The following P2RY8 variants were observed in gnomAD, a reference collection of about 807,000 sequenced individuals.
The protein encoded by P2RY8 is S-geranylgeranyl-glutathione receptor P2RY8.
A neutral mutation model predicts 10.0 loss-of-function variants in P2RY8; 6 were observed. That is an observed-to-expected ratio of 0.60 (90% CI 0.33 to 1.19). The LOEUF is 1.19. P2RY8 is among the 50% of genes most tolerant of loss of function. The probability of loss-of-function intolerance (pLI) is 0.04; values close to 1 mark genes in which losing one functional copy is unlikely to be tolerated. For missense variants in P2RY8, 456 were observed against 542.0 expected (o/e 0.84, Z 1.58); for synonymous variants, 276 against 252.5 (o/e 1.09, Z -0.88).
In P2RY8 at chrX:1,478,100, A is replaced by G. The variant is rs183298722; in HGVS notation, c.-24-11518T>C. On this transcript the variant is annotated intron_variant, in intron 1 of 1. Coordinates refer to ENST00000381297, the MANE Select transcript of P2RY8 (RefSeq NM_178129.5). ...GGCCCCTGAGCTGGGGTGGGGTCAG[A>G]CGTCAGAGCTGTGGCCAGAAGCAAT... Among the ~76,000 whole-genome samples the G allele has an allele frequency of 3.5e-3, 538 of 152,234 alleles. 2 individuals carry two copies. Among genetic ancestry groups the G allele is most frequent in the African/African-American group, 0.013 (523 of 41,540 alleles).
At chrX:1,471,308 CATTTTT>C (rs1419697300) in intron 1 of P2RY8, among the ~76,000 whole-genome samples, 1 of 71,110 alleles carries the variant, frequency 1.4e-5, no homozygotes, top group African/African-American at 5.2e-5. Context: ...GCGCCCAGCC[CATTTTT>C]TTTTTTTTTT....
intron 1 of P2RY8, among the ~76,000 whole-genome samples, chrX:1,507,209 C>G (rs1402861129): frequency 2.0e-5 from 3 of 152,002 alleles, no homozygotes; most frequent in Admixed American, 6.6e-5. Context: ...TGCCTCTGAG[C>G]GAAGCAAGGA....
rs781687066 is a variant in P2RY8, at chrX:1,466,586, C to T, written c.-24-4G>A. 1.0e-5 allele frequency: 16 copies of T among 1,587,356 alleles called. 1 individual carries two copies. The South Asian group carries it at 1.7e-4, about 17-fold the overall frequency. On this transcript the variant is annotated splice_region_variant and splice_polypyrimidine_tract_variant and intron_variant, in intron 1 of 1. Coordinates refer to ENST00000381297, the MANE Select transcript of P2RY8 (RefSeq NM_178129.5). ...TGGAGGGGTCCTCGCCCGGGCTCTGCAAGGGAAGGAGGGAAGGGTGTACGG... is the reference window on the plus strand; with the variant it reads ...TGGAGGGGTCCTCGCCCGGGCTCTGTAAGGGAAGGAGGGAAGGGTGTACGG...
chrX:1,526,554 A>T (rs2092441658), intron 1 of P2RY8, among the ~76,000 whole-genome samples: 1 of 151,420 alleles, frequency 6.6e-6, no homozygotes, highest in Admixed American at 6.6e-5. Flanking sequence ...CATCCATCCA[A>T]AACTCACTCA....
At chrX:1,524,582 CATCCATCCATCCATTCATCCATCT>C (rs2092420891) in intron 1 of P2RY8, among the ~76,000 whole-genome samples, 2 of 145,278 alleles carry the variant, frequency 1.4e-5, no homozygotes, top group Admixed American at 6.9e-5. Context: ...TCCATCCATC[CATCCATCCATCCATTCATCCATCT>C]ATCCATCCAT....
At chrX:1,499,225 C>T (rs1182944284) in intron 1 of P2RY8, among the ~76,000 whole-genome samples, 4 of 148,076 alleles carry the variant, frequency 2.7e-5, no homozygotes, top group Non-Finnish European at 5.9e-5. Context: ...TGCAATGGCA[C>T]GATCTCGGTT....
At chrX:1,504,757 C>T (rs1204310409) in intron 1 of P2RY8, among the ~76,000 whole-genome samples, 22 of 152,014 alleles carry the variant, frequency 1.4e-4, no homozygotes, top group African/African-American at 3.9e-4. Context: ...GAGGCTGATG[C>T]GGGCGGATCA....
intron 1 of P2RY8, among the ~76,000 whole-genome samples, chrX:1,475,359 G>A (rs4628448): frequency 0.74 from 112,822 of 151,708 alleles, 42,645 homozygotes; most frequent in African/African-American, 0.87. Flanking sequence ...ATGAAATGCC[G>A]ATTGTTTCCA....
Position 1,466,172 on chromosome X carries a change from GAGCGGGTAC to G in P2RY8, c.378_386del (p.Tyr127_Leu129del). On this transcript the variant is annotated inframe_deletion, in exon 2 of 2. Coordinates refer to ENST00000381297, the MANE Select transcript of P2RY8 (RefSeq NM_178129.5). ...GACGGCGGCGCCAGCGCTTGGAGCT[GAGCGGGTAC>G]AGGACCCCCAGGAAGCGCTCCACGC... 1 of 1,612,378 alleles carries G rather than the reference GAGCGGGTAC, an allele frequency of 6.2e-7. No homozygotes were observed. Among genetic ancestry groups the G allele is most frequent in the Non-Finnish European group, 8.5e-7 (1 of 1,179,356 alleles).
intron 1 of P2RY8, among the ~76,000 whole-genome samples, chrX:1,467,441 G>C (rs775951176): frequency 6.6e-6 from 1 of 152,276 alleles, no homozygotes; most frequent in East Asian, 1.9e-4. Flanking sequence ...TTATGCACGA[G>C]TCAGCACCGC....
intron 1 of P2RY8, among the ~76,000 whole-genome samples, chrX:1,499,664 T>G (rs2092155150): frequency 6.6e-6 from 1 of 151,728 alleles, no homozygotes; most frequent in Non-Finnish European, 1.5e-5. Context: ...AAAAAAGAAA[T>G]AAAAACAAAA....
intron 1 of P2RY8, among the ~76,000 whole-genome samples, chrX:1,530,300 T>TCTAC (rs2092465580): frequency 6.6e-6 from 1 of 151,494 alleles, no homozygotes; most frequent in African/African-American, 2.4e-5. Flanking sequence ...TATCTATCTA[T>TCTAC]CTATCTATCT....
chrX:1,511,801 C>T (rs1479745391), intron 1 of P2RY8, among the ~76,000 whole-genome samples: 1 of 152,200 alleles, frequency 6.6e-6, no homozygotes, highest in Non-Finnish European at 1.5e-5. Context: ...ACACGATTCT[C>T]TTAGCTGTCT....
chrX:1,487,126 A>G (rs1281547091), intron 1 of P2RY8, among the ~76,000 whole-genome samples: 2 of 152,030 alleles, frequency 1.3e-5, no homozygotes, highest in Non-Finnish European at 2.9e-5. Flanking sequence ...GCCTGAGTGG[A>G]GGGGAAGCAG....
intron 1 of P2RY8, among the ~76,000 whole-genome samples, chrX:1,526,755 AC>A (rs1234051715): frequency 6.6e-6 from 1 of 152,090 alleles, no homozygotes; most frequent in Admixed American, 6.6e-5. Flanking sequence ...TCATCCATTT[AC>A]TTACTCATCC....
At chrX:1,501,158 T>C (rs2092175050) in intron 1 of P2RY8, among the ~76,000 whole-genome samples, 2 of 152,168 alleles carry the variant, frequency 1.3e-5, no homozygotes, top group Non-Finnish European at 2.9e-5. Flanking sequence ...CAGGGCCCTC[T>C]TGTGAACTAC....
chrX:1,489,724 C>G (rs1209898461), intron 1 of P2RY8, among the ~76,000 whole-genome samples: 1 of 149,352 alleles, frequency 6.7e-6, no homozygotes, highest in Admixed American at 6.7e-5. Context: ...CCAGATATTC[C>G]CCGCAAATGT....
At chrX:1,494,868 A>AT (rs1478496212) in intron 1 of P2RY8, among the ~76,000 whole-genome samples, 3 of 24,466 alleles carry the variant, frequency 1.2e-4, no homozygotes, top group Non-Finnish European at 5.6e-4. Context: ...ACACCTGGCT[A>AT]ATTTTTTTTT....
rs1391330781 is a variant in P2RY8, at chrX:1,526,435, ATTCATTCG to A, written c.-25+10478_-25+10485del. ...CATGCATCCATTCATTCATTCATTC[ATTCATTCG>A]CTCATTTATTCCTTATCCAGCCACT... On this transcript the variant is annotated intron_variant, in intron 1 of 1. Transcript: ENST00000381297. 2.0e-4 allele frequency among the ~76,000 whole-genome samples: 31 copies of A among 151,836 alleles called. No homozygotes were observed. The South Asian group carries it at 6.0e-3, about 30-fold the overall frequency.
Sources: gnomAD v4.1 joint callset for allele counts (sites outside exome capture counted in the v4.1 genomes callset) on GRCh38, gnomAD v4.1.1 for gene constraint, MANE v1.5 for transcripts, NCBI Gene and HGNC (gene_info 2026-07-23, HGNC 2026-07-21) for gene names.